The following DCC variants were observed in gnomAD, a reference collection of about 807,000 sequenced individuals.
The protein encoded by DCC is DCC netrin 1 receptor.
DCC carries 58 observed loss-of-function variants against 172.5 expected under a neutral mutation model. The observed-to-expected ratio is 0.34, with a 90% CI of 0.27 to 0.42. DCC has a LOEUF of 0.42. Among genes scored for constraint, DCC ranks in the 10% least tolerant of loss-of-function variants. DCC has a pLI of 1.00. For missense variants in DCC, 1,740 were observed against 1,791.0 expected, an observed-to-expected ratio of 0.97 and a Z score of 0.51; for synonymous variants, 709 against 644.5, an observed-to-expected ratio of 1.10 and a Z score of -1.52.
At chr18:53,128,870 C>CACACACATATATATAT (rs1300738812) in intron 7 of DCC, among the ~76,000 whole-genome samples, 7 of 77,476 alleles carry the variant, frequency 9.0e-5, no homozygotes, top group African/African-American at 1.3e-4. Context: ...CACACACACA[C>CACACACATATATATAT]ATATATATAT....
chr18:53,429,610 T>C (rs979280131), intron 21 of DCC, among the ~76,000 whole-genome samples: 5 of 152,108 alleles, frequency 3.3e-5, no homozygotes, highest in African/African-American at 7.2e-5. Flanking sequence ...AAGAGAAATA[T>C]GGGTAATGGC....
chr18:52,709,574 T>A (rs2036261947), intron 1 of DCC, among the ~76,000 whole-genome samples: 1 of 152,216 alleles, frequency 6.6e-6, no homozygotes, highest in Admixed American at 6.5e-5. Context: ...TTCTTCGATT[T>A]AATTCCAGTG....
intron 7 of DCC, among the ~76,000 whole-genome samples, chr18:53,132,749 G>A (rs1190238579): frequency 6.6e-6 from 1 of 152,148 alleles, no homozygotes; most frequent in African/African-American, 2.4e-5. Context: ...ATGCAAGCAT[G>A]TCAGGCCAGG....
At chr18:53,072,122 C>G (rs944185977) in intron 7 of DCC, among the ~76,000 whole-genome samples, 1 of 151,984 alleles carries the variant, frequency 6.6e-6, no homozygotes, top group Non-Finnish European at 1.5e-5. Context: ...GAGTGAGACT[C>G]CATCTCAAGA....
intron 9 of DCC, among the ~76,000 whole-genome samples, chr18:53,184,570 A>T (rs745797307): frequency 1.1e-4 from 16 of 152,140 alleles, no homozygotes; most frequent in Admixed American, 7.9e-4. Flanking sequence ...ATGTGACGGT[A>T]CTGAATACTG....
chr18:52,582,282 A>G (rs2033566645), intron 1 of DCC, among the ~76,000 whole-genome samples: 3 of 152,080 alleles, frequency 2.0e-5, no homozygotes. Context: ...TTTATGTGTT[A>G]TTAGAAAATG....
At chr18:53,375,934 A>G (rs1305131233) in intron 15 of DCC, among the ~76,000 whole-genome samples, 3 of 152,196 alleles carry the variant, frequency 2.0e-5, no homozygotes, top group African/African-American at 4.8e-5. Context: ...TCCTGACACT[A>G]TGGAGGAGAA....
intron 1 of DCC, among the ~76,000 whole-genome samples, chr18:52,464,018 C>T (rs1428649413): frequency 6.6e-6 from 1 of 152,038 alleles, no homozygotes; most frequent in Non-Finnish European, 1.5e-5. Context: ...AGCCTCATAC[C>T]TTTAATTTCT....
chr18:52,686,679 C>T (rs962453462), intron 1 of DCC, among the ~76,000 whole-genome samples: 1 of 152,076 alleles, frequency 6.6e-6, no homozygotes, highest in African/African-American at 2.4e-5. Flanking sequence ...TTGAGGAGCA[C>T]AAATCAATTG....
At chr18:53,079,385 A>G (rs765203534) in intron 7 of DCC, among the ~76,000 whole-genome samples, 13 of 151,760 alleles carry the variant, frequency 8.6e-5, no homozygotes, top group Non-Finnish European at 1.9e-4. Context: ...GCTTGCTTAT[A>G]TAGAAACAGA....
intron 7 of DCC, among the ~76,000 whole-genome samples, chr18:53,116,770 A>T (rs990076502): frequency 6.6e-6 from 1 of 151,682 alleles, no homozygotes; most frequent in East Asian, 1.9e-4. Flanking sequence ...CTTCGATTTC[A>T]ATTGAATATT....
chr18:52,952,006 A>G (rs1309219744), intron 5 of DCC, among the ~76,000 whole-genome samples: 1 of 152,196 alleles, frequency 6.6e-6, no homozygotes, highest in East Asian at 1.9e-4. Flanking sequence ...CTATAGATGT[A>G]GATAAAATTA....
At chr18:52,443,991 T>G (rs1264596898) in intron 1 of DCC, among the ~76,000 whole-genome samples, 1 of 152,168 alleles carries the variant, frequency 6.6e-6, no homozygotes, top group Non-Finnish European at 1.5e-5. Flanking sequence ...TTATAGAATC[T>G]GGCTGCTGAT....
intron 2 of DCC, among the ~76,000 whole-genome samples, chr18:52,760,203 A>G (rs2145147107): frequency 6.6e-6 from 1 of 152,314 alleles, no homozygotes; most frequent in South Asian, 2.1e-4. Flanking sequence ...CCTTCTTCAC[A>G]TGGCAGCAGG....
At chr18:53,334,183 G>T (rs568926499) in intron 14 of DCC, among the ~76,000 whole-genome samples, 7 of 152,216 alleles carry the variant, frequency 4.6e-5, no homozygotes, top group African/African-American at 1.7e-4. Context: ...TTCATTCTAT[G>T]CTTCCTCTCC....
At chr18:53,436,309 G>A (rs977873979) in intron 22 of DCC, among the ~76,000 whole-genome samples, 2 of 152,112 alleles carry the variant, frequency 1.3e-5, no homozygotes, top group African/African-American at 4.8e-5. Flanking sequence ...TATCTTGGCT[G>A]CTGTACAGTA....
At chr18:52,832,632 G>T (rs12958987) in intron 2 of DCC, among the ~76,000 whole-genome samples, 33,696 of 152,060 alleles carry the variant, frequency 0.22, 4,544 homozygotes, top group Admixed American at 0.31. Flanking sequence ...CTACTATTTA[G>T]CATAAGTAGC....
intron 2 of DCC, among the ~76,000 whole-genome samples, chr18:52,807,807 T>C (rs2038116445): frequency 6.6e-6 from 1 of 152,216 alleles, no homozygotes; most frequent in African/African-American, 2.4e-5. Context: ...AGGTGCAGAT[T>C]TAAAGAGTTT....
At chr18:53,506,535 A>G (rs745959923) in intron 27 of DCC, among the ~76,000 whole-genome samples, 51 of 152,124 alleles carry the variant, frequency 3.4e-4, no homozygotes, top group Non-Finnish European at 5.4e-4. Context: ...AGTGGCCTCC[A>G]TAAAGAAGAA....
Sources: allele counts gnomAD v4.1 joint callset (sites outside exome capture counted in the v4.1 genomes callset), GRCh38; gene constraint gnomAD v4.1.1; transcripts MANE v1.5; gene names NCBI Gene and HGNC (gene_info 2026-07-23, HGNC 2026-07-21).